MECOM: variants seen among roughly 807,000 people sequenced by gnomAD.
The protein encoded by MECOM is MDS1 and EVI1 complex locus.
MECOM carries 13 observed loss-of-function variants against 116.3 expected under a neutral mutation model. That is an observed-to-expected ratio of 0.11 (90% CI 0.07 to 0.18). MECOM has a LOEUF of 0.18. Among genes scored for constraint, MECOM ranks in the 10% least tolerant of loss-of-function variants. The pLI is 1.00. For synonymous variants in MECOM, 528 were observed against 535.2 expected, an observed-to-expected ratio of 0.99 and a Z score of 0.19; for missense variants, 1,299 against 1,509.0, an observed-to-expected ratio of 0.86 and a Z score of 2.31.
intron 2 of MECOM, among the ~76,000 whole-genome samples, chr3:169,208,703 A>G (rs1413620397): frequency 6.6e-6 from 1 of 152,166 alleles, no homozygotes; most frequent in Admixed American, 6.6e-5. Flanking sequence ...GAGGACACAA[A>G]CAAATAGAAA....
At chr3:169,129,260 G>A (rs543187640) in intron 4 of MECOM, among the ~76,000 whole-genome samples, 2 of 152,114 alleles carry the variant, frequency 1.3e-5, no homozygotes, top group African/African-American at 2.4e-5. Context: ...CTGTAGTAAA[G>A]TATGGTAGGT....
Position 169,116,005 on chromosome 3 carries a change from C to G in MECOM, c.1867G>C (p.Val623Leu). Residue 623 changes from valine (V) to leucine (L), a missense_variant, in exon 8 of 17, where the codon GTA becomes CTA. This residue lies in a region of MECOM where 238 missense variants were observed against 273.1 expected (regional missense o/e 0.87). Coordinates refer to ENST00000651503, the MANE Select transcript of MECOM (RefSeq NM_004991.4). ...KENGKMFKDK[V>L]SPLQNLASIN... ...GAAGCCAGATTCTGAAGAGGGCTTA[C>G]TTTGTCTTTGAACATTTTACCATTT... 6.2e-7 allele frequency: 1 copy of G among 1,614,112 alleles called. No individual in the cohort carries two copies. Among genetic ancestry groups the G allele is most frequent in the Non-Finnish European group, 8.5e-7 (1 of 1,180,014 alleles).
rs76327598 is a variant in MECOM, at chr3:169,161,325, T to A, written c.376-17493A>T. Among the ~76,000 whole-genome samples the A allele has an allele frequency of 6.0e-4, 92 of 152,264 alleles. No homozygotes were observed. In the East Asian group the frequency reaches 0.018, roughly 29 times the overall value. On this transcript the variant is annotated intron_variant, in intron 2 of 16. Coordinates refer to ENST00000651503, the MANE Select transcript of MECOM (RefSeq NM_004991.4). ...TGGCAATGGCAGCTGAGCCTCAGCA[T>A]CCTTATATACAGCAAGAGAGGCACA...
chr3:169,514,711 T>C (rs1000244923), intron 1 of MECOM, among the ~76,000 whole-genome samples: 1 of 152,194 alleles, frequency 6.6e-6, no homozygotes, highest in African/African-American at 2.4e-5. Context: ...GCACCTTAAA[T>C]ACCAGCCACA....
At chr3:169,576,936 A>G (rs1284266584) in intron 1 of MECOM, among the ~76,000 whole-genome samples, 1 of 152,098 alleles carries the variant, frequency 6.6e-6, no homozygotes, top group African/African-American at 2.4e-5. Flanking sequence ...GACATTGTGT[A>G]GACATAGCAC....
chr3:169,402,850 C>T (rs1264776975), intron 1 of MECOM, among the ~76,000 whole-genome samples: 1 of 152,168 alleles, frequency 6.6e-6, no homozygotes, highest in African/African-American at 2.4e-5. Context: ...ACTGCCTTCA[C>T]AAAGTGTTTG....
chr3:169,639,231 G>GATGGAT (rs150489027), intron 1 of MECOM, among the ~76,000 whole-genome samples: 2,838 of 152,220 alleles, frequency 0.019, 94 homozygotes, highest in African/African-American at 0.064. Flanking sequence ...AAGCTCCAGC[G>GATGGAT]ATGGATTCAG....
chr3:169,145,940 A>T, intron 2 of MECOM: 1 of 217,762 alleles, frequency 4.6e-6, no homozygotes, highest in Non-Finnish European at 9.2e-6. Context: ...TTCTTGCCCC[A>T]AGACAAAAGC....
chr3:169,663,350 C>T lies in MECOM; in HGVS notation c.23G>A (p.Arg8Lys). Residue 8 changes from arginine (R) to lysine (K), a missense_variant, in exon 1 of 17, where the codon AGG (arginine) becomes AAG (lysine). Transcript: ENST00000651503. MRSKGRA[R>K]KLATNNECVY... ...ATTGCACCTACTTGTGGCCAGTTTC[C>T]TTGCCCTGCCTTTGGATCTCATGCT... 1 of 1,610,458 alleles carries T rather than the reference C, an allele frequency of 6.2e-7. No individual in the cohort carries two copies. Among genetic ancestry groups the T allele is most frequent in the South Asian group, 1.1e-5 (1 of 89,998 alleles).
intron 2 of MECOM, among the ~76,000 whole-genome samples, chr3:169,178,851 T>C (rs1745565263): frequency 6.6e-6 from 1 of 152,208 alleles, no homozygotes; most frequent in Non-Finnish European, 1.5e-5. Context: ...CTGTCTCTTT[T>C]GTGAGGTGGC....
intron 2 of MECOM, among the ~76,000 whole-genome samples, chr3:169,292,225 C>T (rs529007487): frequency 1.3e-5 from 2 of 152,102 alleles, no homozygotes; most frequent in Admixed American, 6.6e-5. Context: ...CATCTGTAAT[C>T]CCAGCTACTC....
intron 1 of MECOM, among the ~76,000 whole-genome samples, chr3:169,623,220 A>G (rs563720789): frequency 1.5e-4 from 23 of 152,350 alleles, no homozygotes; most frequent in African/African-American, 5.0e-4. Flanking sequence ...TATAAACCCA[A>G]TGACCATTGA....
intron 2 of MECOM, among the ~76,000 whole-genome samples, chr3:169,171,011 A>G (rs1744322499): frequency 6.6e-6 from 1 of 152,222 alleles, no homozygotes; most frequent in Admixed American, 6.5e-5. Context: ...CTAAATTAAT[A>G]GGAAGATTTC....
intron 2 of MECOM, among the ~76,000 whole-genome samples, chr3:169,204,154 T>TC (rs1160779433): frequency 1.3e-5 from 2 of 152,126 alleles, no homozygotes; most frequent in African/African-American, 4.8e-5. Flanking sequence ...CATAGGGTTT[T>TC]CCCCATGAAG....
intron 1 of MECOM, among the ~76,000 whole-genome samples, chr3:169,519,179 G>T (rs1757057302): frequency 6.6e-6 from 1 of 152,048 alleles, no homozygotes; most frequent in South Asian, 2.1e-4. Context: ...AAAAATATTT[G>T]TCCAGTTTGA....
intron 5 of MECOM, among the ~76,000 whole-genome samples, chr3:169,127,291 T>C (rs1415125700): frequency 6.6e-6 from 1 of 152,118 alleles, no homozygotes; most frequent in African/African-American, 2.4e-5. Flanking sequence ...AATTACTTCA[T>C]TTACGTTATT....
intron 2 of MECOM, among the ~76,000 whole-genome samples, chr3:169,344,349 A>G (rs1366521868): frequency 2.0e-5 from 3 of 152,170 alleles, no homozygotes. Context: ...CTAAATGTAA[A>G]CCTTCTCTAT....
chr3:169,566,753 T>C (rs1344621896), intron 1 of MECOM, among the ~76,000 whole-genome samples: 1 of 152,110 alleles, frequency 6.6e-6, no homozygotes, highest in African/African-American at 2.4e-5. Context: ...CAATAGAAAG[T>C]TACTTGAACT....
At chr3:169,640,762 G>A (rs1773370677) in intron 1 of MECOM, among the ~76,000 whole-genome samples, 1 of 152,236 alleles carries the variant, frequency 6.6e-6, no homozygotes, top group Admixed American at 6.5e-5. Context: ...AGTAGACACA[G>A]ATTTAAACAT....
Sources: allele counts gnomAD v4.1 joint callset (sites outside exome capture counted in the v4.1 genomes callset), GRCh38; gene constraint gnomAD v4.1.1; regional missense constraint gnomAD v4.1.1; transcripts MANE v1.5; gene names NCBI Gene and HGNC (gene_info 2026-07-23, HGNC 2026-07-21).